The following STRIP1 variants were observed in gnomAD, a reference collection of about 807,000 sequenced individuals.
STRIP1 encodes the protein striatin interacting protein 1.
Under a neutral mutation model 106.2 loss-of-function variants are expected in STRIP1, and 63 were observed. The observed-to-expected ratio is 0.59, with a 90% CI of 0.48 to 0.73. STRIP1 has a LOEUF of 0.73. Ranked by LOEUF, STRIP1 falls within the 30% of genes least tolerant of loss-of-function variation. STRIP1 has a pLI of 0.00. For synonymous variants in STRIP1, 390 were observed against 413.0 expected (o/e 0.94, Z 0.67); for missense variants, 857 against 1,074.8 (o/e 0.80, Z 2.83).
chr1:110,044,793 T>C (rs775784349), intron 10 of STRIP1, 47 bp from the exon 11 acceptor site: 18 of 1,593,880 alleles, frequency 1.1e-5, no homozygotes, highest in East Asian at 1.1e-4. Context: ...TGAAATAGCA[T>C]TTGCTAAAAA....
chr1:110,046,641 T>A, intron 12 of STRIP1, 39 bp from the exon 13 acceptor site: 1 of 1,591,850 alleles, frequency 6.3e-7, no homozygotes, highest in East Asian at 2.2e-5. Flanking sequence ...GGCCAGAGAA[T>A]GTTTTCCCCA....
intron 17 of STRIP1, 64 bp from the exon 18 acceptor site, chr1:110,050,279 G>A (rs988994853): frequency 1.5e-5 from 23 of 1,544,056 alleles, no homozygotes; most frequent in Non-Finnish European, 1.9e-5. Context: ...GCTCAGGCAC[G>A]GCTGCTCCAC....
chr1:110,039,783 G>A, intron 5 of STRIP1: 1 of 1,341,724 alleles, frequency 7.5e-7, no homozygotes, highest in South Asian at 1.2e-5. Flanking sequence ...GTGCTCCTCA[G>A]AAGGAGACTC....
At position 110,051,725 on chromosome 1, in the gene STRIP1, C is replaced by T; in HGVS notation, c.2104C>T (p.Leu702=). The T allele has an allele frequency of 3.1e-6, 5 of 1,612,860 alleles. No individual in the cohort carries two copies. The highest frequency in any genetic ancestry group is 4.2e-6 in the Non-Finnish European group (5 of 1,179,714). ...FKSAPILKRA[L]KVKQAMMQLY... The stretch of plus-strand genomic sequence containing the variant: ...GTCAGCCCCCATCTTGAAGCGGGCC[C>T]TAAAGGTGAAACAAGCCATGATGCA... Residue 702 remains leucine, a synonymous_variant, in exon 20 of 21, where the codon CTA becomes TTA. Coordinates refer to ENST00000369795, the MANE Select transcript of STRIP1 (RefSeq NM_033088.4).
intron 19 of STRIP1, 146 bp from the exon 20 acceptor site, chr1:110,051,537 T>C: frequency 1.3e-6 from 1 of 761,160 alleles, no homozygotes; most frequent in Non-Finnish European, 2.1e-6. Context: ...AAGTCCTATG[T>C]ATCAGGAAAC....
In STRIP1 at chr1:110,054,093, G is replaced by GGGA; in HGVS notation, c.*182_*183insGAG. The GGGA allele has an allele frequency of 1.5e-6, 1 of 655,112 alleles. No individual in the cohort carries two copies. The highest frequency in any genetic ancestry group is 2.6e-6 in the Non-Finnish European group (1 of 385,758). 40.6% of individuals were successfully genotyped at this position (655,112 alleles called of 1,614,324 possible). ...AGCTTGACCTCCCCTTGGTTCCCAG[G>GGGA]GTCCTGCTCCGAAGCAGTCATCTCT... On this transcript the variant is annotated 3_prime_UTR_variant, in exon 21 of 21. Transcript: ENST00000369795.
Position 110,051,903 on chromosome 1 carries a change from C to G in STRIP1, c.2266+16C>G. 1 of 1,610,862 alleles carries G rather than the reference C, an allele frequency of 6.2e-7. No individual in the cohort carries two copies. Among genetic ancestry groups the G allele is most frequent in the Non-Finnish European group, 8.5e-7 (1 of 1,179,118 alleles). On this transcript the variant is annotated intron_variant, in intron 20 of 20. Transcript: ENST00000369795. The stretch of plus-strand genomic sequence containing the variant: ...TACGGCAATGGTGAGACTCTGCACT[C>G]AGCCAGATTTGGGTGGGAGTGTGTC...
At chr1:110,034,569 A>T, upstream of STRIP1, 2 of 1,442,874 alleles carry the variant, frequency 1.4e-6, no homozygotes, top group Non-Finnish European at 1.8e-6. Context: ...AATTTCCTGG[A>T]GAAAATCACG....
chr1:110,039,905 G>T (rs752957737), intron 5 of STRIP1: 9 of 1,293,938 alleles, frequency 7.0e-6, no homozygotes, highest in Non-Finnish European at 9.1e-6. Context: ...CCAGTGCCTG[G>T]CCTTGCCTGT....
intron 5 of STRIP1, chr1:110,039,754 G>C: frequency 1.7e-6 from 2 of 1,195,574 alleles, no homozygotes; most frequent in Non-Finnish European, 2.3e-6. Flanking sequence ...AGACAGTGCA[G>C]GCCCTGCCCA....
chr1:110,043,784 C>T lies in STRIP1; in HGVS notation c.1214C>T (p.Pro405Leu). ...TFPLERDEVM[P>L]PPLQHPQTDR... is the part of the protein sequence containing the mutation. Reference sequence around the variant, plus strand: ...CCCCTGGAACGGGATGAAGTGATGCCTCCCCCGCTACAGCACCCACAGACT... The same window carrying T: ...CCCCTGGAACGGGATGAAGTGATGCTTCCCCCGCTACAGCACCCACAGACT... The change falls in exon 10 of 21, where the codon CCT becomes CTT. Residue 405 changes from proline (P) to leucine (L), a missense_variant. Pro to Leu is a moderately conservative substitution (Grantham distance 98). Transcript: ENST00000369795. The T allele has an allele frequency of 1.2e-6, 2 of 1,614,154 alleles. No homozygotes were observed. The highest frequency in any genetic ancestry group is 8.5e-7 in the Non-Finnish European group (1 of 1,180,022).
chr1:110,051,788 T>C lies in STRIP1; in HGVS notation c.2167T>C (p.Tyr723His). 1 of 1,613,904 alleles carries C rather than the reference T, an allele frequency of 6.2e-7. No homozygotes were observed. Among genetic ancestry groups the C allele is most frequent in the South Asian group, 1.1e-5 (1 of 91,066 alleles). The change falls in exon 20 of 21, where the codon TAC becomes CAC. Residue 723 changes from tyrosine (Y) to histidine (H), a missense_variant. Physicochemically the swap from Tyr to His is moderately conservative, Grantham distance 83 (BLOSUM62 2). This residue lies in a region of STRIP1 where 750 missense variants were observed against 989.8 expected (regional missense o/e 0.76). Transcript: ENST00000369795. ...VLKLLKVQTK[Y>H]LGRQWRKSNM... is the part of the protein sequence containing the mutation. ...GAAGCTGCTCAAGGTACAGACCAAA[T>C]ACTTGGGGCGGCAGTGGCGAAAGAG...
chr1:110,049,424 G>A (rs374499422), intron 16 of STRIP1, 36 bp from the exon 17 acceptor site: 140 of 1,318,300 alleles, frequency 1.1e-4, no homozygotes, highest in Admixed American at 2.3e-4. Flanking sequence ...CAAGGGCCGC[G>A]CCTTTTTTTT....
Position 110,043,684 on chromosome 1 carries a change from C to G in STRIP1, c.1114C>G (p.Pro372Ala). Residue 372 changes from proline to alanine, a missense_variant, in exon 10 of 21, where the codon CCC becomes GCC. Physicochemically the swap from Pro to Ala is conservative, Grantham distance 27. Transcript: ENST00000369795. ...CCTAGATGCCTTCAACGAGCGGGAT[C>G]CCTACAAGGCTGATGACTCTCGAGA... ...DNLDAFNERDPYKADDSREEE... is the reference protein window; with the variant it reads ...DNLDAFNERDAYKADDSREEE... 6.2e-7 allele frequency: 1 copy of G among 1,614,056 alleles called. No homozygotes were observed. Among genetic ancestry groups the G allele is most frequent in the Non-Finnish European group, 8.5e-7 (1 of 1,179,978 alleles).
chr1:110,054,045 C>A lies in STRIP1; in HGVS notation c.*133C>A. ...ACAGCCCCACTGTGTCTTCCGCAGT[C>A]TGTCCTGGGCTTGGGTGAGCCCAGC... On this transcript the variant is annotated 3_prime_UTR_variant, in exon 21 of 21. Transcript: ENST00000369795. 1 of 1,164,390 alleles carries A rather than the reference C, an allele frequency of 8.6e-7. No individual in the cohort carries two copies. The highest frequency in any genetic ancestry group is 1.2e-6 in the Non-Finnish European group (1 of 823,736). 72.1% of individuals were successfully genotyped at this position (1,164,390 alleles called of 1,614,324 possible). A position where few individuals can be genotyped will look rare whatever the true frequency, so the allele number is the denominator to read the frequency against.
chr1:110,042,925 GA>G (rs1450545924), intron 8 of STRIP1, 162 bp from the exon 9 acceptor site: 2 of 629,156 alleles, frequency 3.2e-6, no homozygotes, highest in African/African-American at 3.7e-5. Context: ...GGATGTCACG[GA>G]ATTCTCCTTG....
chr1:110,042,268 T>A (rs568580611), intron 8 of STRIP1, among the ~76,000 whole-genome samples: 2 of 152,322 alleles, frequency 1.3e-5, no homozygotes, highest in East Asian at 3.9e-4. Context: ...GCCTCCATTT[T>A]CTTCAGGGTA....
chr1:110,053,884 C>T lies in STRIP1; in HGVS notation c.2486C>T (p.Pro829Leu). The change falls in exon 21 of 21, where the codon CCC becomes CTC. Residue 829 changes from proline (P) to leucine (L), a missense_variant. By Grantham distance (98) the Pro-to-Leu change is moderately conservative. Coordinates refer to ENST00000369795, the MANE Select transcript of STRIP1 (RefSeq NM_033088.4). The part of the protein sequence containing the change: ...LWLEREVFSK[P>L]ISWEELLQ ...TTAGAAAGGGAGGTCTTCTCCAAGC[C>T]CATTTCCTGGGAAGAGCTGCTGCAG... 6.2e-7 allele frequency: 1 copy of T among 1,614,090 alleles called. No homozygotes were observed.
chr1:110,047,853 T>C lies in STRIP1; in HGVS notation c.1645T>C (p.Leu549=). 6.4e-7 allele frequency: 1 copy of C among 1,561,180 alleles called. No individual in the cohort carries two copies. Among genetic ancestry groups the C allele is most frequent in the Non-Finnish European group, 8.7e-7 (1 of 1,151,516 alleles). ...TDSINILADV[L]PEEMPTTVLQ... ...CTCAATCAACATCCTAGCGGACGTC[T>C]TGCCTGAGGAGATGCCGTGAGTATC... is the stretch of plus-strand genomic sequence containing the variant. Residue 549 remains leucine, a synonymous_variant, in exon 15 of 21, where the codon TTG becomes CTG. Coordinates refer to ENST00000369795, the MANE Select transcript of STRIP1 (RefSeq NM_033088.4).
Sources: allele counts gnomAD v4.1 joint callset (sites outside exome capture counted in the v4.1 genomes callset), GRCh38; gene constraint gnomAD v4.1.1; regional missense constraint gnomAD v4.1.1; transcripts MANE v1.5; gene names NCBI Gene and HGNC (gene_info 2026-07-23, HGNC 2026-07-21).